The following ABCA9 variants were observed in gnomAD, a reference collection of about 807,000 sequenced individuals.
ABCA9 encodes ATP binding cassette subfamily A member 9.
A neutral mutation model predicts 205.3 loss-of-function variants in ABCA9; 183 were observed. That is an observed-to-expected ratio of 0.89 (90% CI 0.79 to 1.01). The LOEUF is 1.01. Ranked by LOEUF, ABCA9 falls within the 50% of genes least tolerant of loss-of-function variation. The probability of loss-of-function intolerance (pLI) is 0.00; values close to 1 mark genes in which losing one functional copy is unlikely to be tolerated. For missense variants in ABCA9, 1,805 were observed against 1,912.4 expected (o/e 0.94, Z 1.05); for synonymous variants, 651 against 683.3 (o/e 0.95, Z 0.74).
chr17:69,054,262 C>G (rs1373910834), intron 1 of ABCA9, among the ~76,000 whole-genome samples: 2 of 152,044 alleles, frequency 1.3e-5, no homozygotes, highest in Non-Finnish European at 2.9e-5. Context: ...TGGCTCATGC[C>G]TGCAATTACA....
rs139676944 is a variant in ABCA9 at position 69,024,849 on chromosome 17, G to C, written c.2142-496C>G. ...CTAAAGCTAATTTTATCATTTTGGGGCCCAAAATTTATTCAAGTGAAATCT... is the reference window on the plus strand; with the variant it reads ...CTAAAGCTAATTTTATCATTTTGGGCCCCAAAATTTATTCAAGTGAAATCT... On this transcript the variant is annotated intron_variant, in intron 16 of 38. Coordinates refer to ENST00000340001, the MANE Select transcript of ABCA9 (RefSeq NM_080283.4). Among the ~76,000 whole-genome samples, 722 of 152,080 alleles carry C rather than the reference G, an allele frequency of 4.7e-3. 6 individuals carry two copies. The highest frequency in any genetic ancestry group is 0.017 in the African/African-American group (693 of 41,506).
the ABCA9 span, among the ~76,000 whole-genome samples, chr17:69,073,907 G>T: frequency 6.6e-6 from 1 of 151,746 alleles, no homozygotes; most frequent in Admixed American, 6.6e-5. Context: ...TTGCTATGTT[G>T]CCCAGGATGG....
At chr17:69,070,948 C>T in the ABCA9 span, among the ~76,000 whole-genome samples, 1 of 152,192 alleles carries the variant, frequency 6.6e-6, no homozygotes. Context: ...GGTGGTTTTC[C>T]TCTCACAGTG....
At chr17:69,071,377 G>T in the ABCA9 span, among the ~76,000 whole-genome samples, 1 of 152,186 alleles carries the variant, frequency 6.6e-6, no homozygotes, top group Admixed American at 6.5e-5. Flanking sequence ...CCTCTGGGAT[G>T]AAGCTTCCAG....
At chr17:68,999,740 C>G (rs1051916317) in intron 25 of ABCA9, among the ~76,000 whole-genome samples, 3 of 152,158 alleles carry the variant, frequency 2.0e-5, no homozygotes, top group Non-Finnish European at 2.9e-5. Context: ...TATAGTCCCA[C>G]CAACAGTGTA....
intron 15 of ABCA9, 83 bp from the exon 16 acceptor site, chr17:69,026,550 A>C: frequency 8.1e-7 from 1 of 1,231,474 alleles, no homozygotes; most frequent in Non-Finnish European, 1.2e-6. Context: ...TTAACAATGT[A>C]TTGTAGCAGC....
At chr17:68,985,001 C>T (rs768516352) in intron 33 of ABCA9, 22 bp from the exon 34 acceptor site, 47 of 1,614,112 alleles carry the variant, frequency 2.9e-5, no homozygotes, top group Middle Eastern at 1.6e-4. Flanking sequence ...GGAACAGCCC[C>T]TCTGGTTCCC....
At chr17:69,058,019 G>T (rs957231172) in intron 1 of ABCA9, among the ~76,000 whole-genome samples, 4 of 152,134 alleles carry the variant, frequency 2.6e-5, no homozygotes, top group Admixed American at 6.5e-5. Context: ...GAATAACAAC[G>T]ATGGTCTGAA....
At chr17:69,008,633 G>A (rs59158590) in intron 23 of ABCA9, among the ~76,000 whole-genome samples, 2,071 of 152,298 alleles carry the variant, frequency 0.014, 38 homozygotes, top group African/African-American at 0.045. Context: ...AATGTAAACA[G>A]TGCATTTATC....
chr17:69,049,813 A>G (rs1225710983), intron 2 of ABCA9, among the ~76,000 whole-genome samples: 1 of 152,192 alleles, frequency 6.6e-6, no homozygotes, highest in Non-Finnish European at 1.5e-5. Context: ...TTTTAGTGAC[A>G]GTGATAAATA....
intron 10 of ABCA9, among the ~76,000 whole-genome samples, chr17:69,029,954 TG>T (rs1032238458): frequency 2.6e-5 from 4 of 152,094 alleles, no homozygotes; most frequent in Non-Finnish European, 5.9e-5. Context: ...AATACCTAGG[TG>T]ATAAAATAAT....
At chr17:69,078,355 C>A in the ABCA9 span, among the ~76,000 whole-genome samples, 3 of 152,030 alleles carry the variant, frequency 2.0e-5, no homozygotes, top group Non-Finnish European at 1.5e-5. Context: ...CAAATGCCAA[C>A]GCCCGGCTAA....
intron 18 of ABCA9, chr17:69,020,926 G>A (rs2144290608): frequency 4.9e-6 from 1 of 204,854 alleles, no homozygotes; most frequent in Non-Finnish European, 9.9e-6. Context: ...GACCAAGGTA[G>A]GAGAGTTAGT....
intron 1 of ABCA9, among the ~76,000 whole-genome samples, chr17:69,058,671 C>G (rs543141459): frequency 5.7e-4 from 87 of 152,122 alleles, no homozygotes; most frequent in Middle Eastern, 6.8e-3. Flanking sequence ...AACCCCATCT[C>G]CACTAAAAAT....
In ABCA9 at chr17:68,974,810, C is replaced by CATAT. The variant is rs564396318; in HGVS notation, c.*1101_*1104dup. On this transcript the variant is annotated 3_prime_UTR_variant, in exon 39 of 39. Transcript: ENST00000340001. ...AAATATGTTTCAAACTTGTGTATAA[C>CATAT]ATATATATACATGTTCAACTTGATC... 1 of 152,008 alleles carries CATAT rather than the reference C, an allele frequency of 6.6e-6. No homozygotes were observed. Among genetic ancestry groups the CATAT allele is most frequent in the African/African-American group, 2.4e-5 (1 of 41,362 alleles). 9.4% of individuals were successfully genotyped at this position (152,008 alleles called of 1,614,324 possible).
chr17:68,989,784 G>T (rs759480923), intron 30 of ABCA9, 29 bp downstream of exon 30: 2 of 1,256,066 alleles, frequency 1.6e-6, no homozygotes, highest in Non-Finnish European at 2.3e-6. Flanking sequence ...ATTCAAGATT[G>T]CTCTACTAAT....
At position 69,049,616 on chromosome 17, in the gene ABCA9, G is replaced by C. The variant is rs1231401817; in HGVS notation, c.97-126C>G. On this transcript the variant is annotated intron_variant, in intron 2 of 38. Coordinates refer to ENST00000340001, the MANE Select transcript of ABCA9 (RefSeq NM_080283.4). Reference sequence around the variant, plus strand: ...TGCATTCCATTTATTCTTTCTCCTAGTTTTTAAATATCCTGATTTTCTTTG... The same window carrying C: ...TGCATTCCATTTATTCTTTCTCCTACTTTTTAAATATCCTGATTTTCTTTG... 7 of 763,360 alleles carry C rather than the reference G, an allele frequency of 9.2e-6. No individual in the cohort carries two copies. In the Admixed American group the frequency reaches 2.4e-4, roughly 26 times the overall value. 47.3% of individuals were successfully genotyped at this position (763,360 alleles called of 1,614,324 possible). A position where few individuals can be genotyped will look rare whatever the true frequency, so the allele number is the denominator to read the frequency against.
chr17:69,008,351 T>C, intron 23 of ABCA9, 116 bp from the exon 24 acceptor site: 1 of 945,276 alleles, frequency 1.1e-6, no homozygotes, highest in Non-Finnish European at 1.6e-6. Flanking sequence ...AATATTATCC[T>C]GATTTAGCAA....
upstream of ABCA9, among the ~76,000 whole-genome samples, chr17:69,063,335 T>G (rs775570042): frequency 1.3e-5 from 2 of 152,196 alleles, no homozygotes; most frequent in Non-Finnish European, 2.9e-5. Flanking sequence ...CTTCTTGGAA[T>G]CTTTGCTGGC....
Sources: allele counts gnomAD v4.1 joint callset (sites outside exome capture counted in the v4.1 genomes callset), GRCh38; gene constraint gnomAD v4.1.1; transcripts MANE v1.5; gene names NCBI Gene and HGNC (gene_info 2026-07-23, HGNC 2026-07-21).